The following COL27A1 variants were observed in gnomAD, a reference collection of about 807,000 sequenced individuals.
COL27A1 encodes collagen type XXVII alpha 1 chain.
COL27A1 carries 106 observed loss-of-function variants against 251.3 expected under a neutral mutation model. The observed-to-expected ratio is 0.42, with a 90% CI of 0.36 to 0.50. The LOEUF (loss-of-function observed/expected upper bound fraction) is 0.50. Ranked by LOEUF, COL27A1 falls within the 20% of genes least tolerant of loss-of-function variation. COL27A1 has a pLI of 0.00. For missense variants in COL27A1, 2,325 were observed against 2,522.8 expected, an observed-to-expected ratio of 0.92 and a Z score of 1.68; for synonymous variants, 1,000 against 986.3, an observed-to-expected ratio of 1.01 and a Z score of -0.26.
In COL27A1 at chr9:114,167,830, C is replaced by T. The variant is rs753486760; in HGVS notation, c.275C>T (p.Ala92Val). The stretch of plus-strand genomic sequence containing the variant: ...GCTCCCACGGGCACCGTCATTCCTG[C>T]CGCCTTGGGCACAGAGCTGGCACTG... The part of the protein sequence containing the change: ...LQAPTGTVIP[A>V]ALGTELALVL... Residue 92 changes from alanine (A) to valine (V), a missense_variant, in exon 3 of 61, where the codon GCC becomes GTC. Around this residue, in one of 4 missense-constraint regions of COL27A1, gnomAD observed 1,183 missense variants for 1,144.1 expected, o/e 1.03. Coordinates refer to ENST00000356083, the MANE Select transcript of COL27A1 (RefSeq NM_032888.4). 1 of 1,613,472 alleles carries T rather than the reference C, an allele frequency of 6.2e-7. No individual in the cohort carries two copies. Among genetic ancestry groups the T allele is most frequent in the South Asian group, 1.1e-5 (1 of 91,084 alleles).
chr9:114,205,745 C>A lies in COL27A1; in HGVS notation c.2170-14C>A, dbSNP rs2135302771. The A allele has an allele frequency of 6.2e-7, 1 of 1,613,656 alleles. No individual in the cohort carries two copies. On this transcript the variant is annotated splice_polypyrimidine_tract_variant and intron_variant, in intron 8 of 60. Coordinates refer to ENST00000356083, the MANE Select transcript of COL27A1 (RefSeq NM_032888.4). ...GTCTTTCTTTTCCTTATGTTTCTCT[C>A]TGTTCCTTTGCAGGGGCAGCCAGGA...
chr9:114,217,911 C>G (rs779820583), intron 12 of COL27A1: 1 of 448,348 alleles, frequency 2.2e-6, no homozygotes, highest in East Asian at 7.0e-5. Flanking sequence ...CCCAGGAGTT[C>G]GAGACCAGCT....
intron 27 of COL27A1, among the ~76,000 whole-genome samples, chr9:114,257,379 A>G (rs1478731470): frequency 2.0e-5 from 3 of 150,950 alleles, no homozygotes; most frequent in African/African-American, 7.3e-5. Flanking sequence ...GGCGGGGGAG[A>G]CATTAGGCAG....
At chr9:114,264,331 G>C (rs374497210) in intron 28 of COL27A1, 24 bp from the exon 29 acceptor site, 2 of 1,573,948 alleles carry the variant, frequency 1.3e-6, no homozygotes, top group Non-Finnish European at 1.7e-6. Context: ...TGTCCGGTGT[G>C]CTAGTCCCTT....
chr9:114,240,409 T>G (rs1363556335), intron 20 of COL27A1, 25 bp from the exon 21 acceptor site: 2 of 1,612,680 alleles, frequency 1.2e-6, no homozygotes, highest in Non-Finnish European at 1.7e-6. Context: ...CCTCTGAGAC[T>G]CCCTTTTTGT....
In COL27A1 at chr9:114,205,089, C is replaced by A. The variant is rs1004257922; in HGVS notation, c.2125-13C>A. On this transcript the variant is annotated splice_polypyrimidine_tract_variant and intron_variant, in intron 7 of 60. Coordinates refer to ENST00000356083, the MANE Select transcript of COL27A1 (RefSeq NM_032888.4). ...TCCTCCCTGCCTGATGCAGCTTCTT[C>A]CCCCTCCAACAGGGACACAAGGGCT... 2 of 1,613,274 alleles carry A rather than the reference C, an allele frequency of 1.2e-6. No individual in the cohort carries two copies. The highest frequency in any genetic ancestry group is 2.7e-5 in the African/African-American group (2 of 74,934).
In COL27A1 at chr9:114,306,506, T is replaced by G. The variant is rs1435899761; in HGVS notation, c.4939-14T>G. 6.2e-7 allele frequency: 1 copy of G among 1,613,394 alleles called. No homozygotes were observed. Among genetic ancestry groups the G allele is most frequent in the Admixed American group, 1.7e-5 (1 of 59,950 alleles). On this transcript the variant is annotated splice_polypyrimidine_tract_variant and intron_variant, in intron 57 of 60. Coordinates refer to ENST00000356083, the MANE Select transcript of COL27A1 (RefSeq NM_032888.4). ...GACCCTAAGGTCCCAATGACCACCCTCTCCTCGTGACAGAGTTACAGCTAT... is the reference window on the plus strand; with the variant it reads ...GACCCTAAGGTCCCAATGACCACCCGCTCCTCGTGACAGAGTTACAGCTAT...
intron 13 of COL27A1, 123 bp downstream of exon 13, chr9:114,219,967 C>A: frequency 2.7e-6 from 2 of 747,804 alleles, no homozygotes; most frequent in Non-Finnish European, 4.7e-6. Flanking sequence ...GAAGTACCAG[C>A]TGGGCACCCT....
chr9:114,184,637 A>G (rs140321272), intron 5 of COL27A1, among the ~76,000 whole-genome samples: 1 of 152,228 alleles, frequency 6.6e-6, no homozygotes, highest in Non-Finnish European at 1.5e-5. Context: ...AATAACAGCC[A>G]TATACTGAAC....
At position 114,155,905 on chromosome 9, in the gene COL27A1, C is replaced by T. The variant is rs1330950024; in HGVS notation, c.-46C>T. On this transcript the variant is annotated 5_prime_UTR_variant, in exon 1 of 61. Coordinates refer to ENST00000356083, the MANE Select transcript of COL27A1 (RefSeq NM_032888.4). The surrounding 1 kb of genome is among the most constrained non-coding windows in gnomAD (Gnocchi z 5.5). ...GGGGCTGGCGGCCCCATGGGGCGCG[C>T]CCACACTTGCCCCCCGGGCTCGGGA... The T allele has an allele frequency of 4.2e-6, 5 of 1,192,668 alleles. No homozygotes were observed. In the African/African-American group the frequency reaches 6.4e-5, roughly 15 times the overall value. The allele number at this position is 1,192,668 out of a possible 1,614,324, so 73.9% of individuals were successfully genotyped here.
intron 4 of COL27A1, among the ~76,000 whole-genome samples, chr9:114,182,616 G>T (rs73656009): frequency 6.6e-6 from 1 of 152,144 alleles, no homozygotes; most frequent in African/African-American, 2.4e-5. Context: ...AAGGGCTGAC[G>T]GGGCTAGGCT....
Position 114,300,645 on chromosome 9 carries a change from C to T in COL27A1, c.4659C>T (p.Gly1553=). The T allele has an allele frequency of 1.3e-6, 2 of 1,529,580 alleles. No individual in the cohort carries two copies. Among genetic ancestry groups the T allele is most frequent in the Middle Eastern group, 1.8e-4 (1 of 5,688 alleles). 94.8% of individuals were successfully genotyped at this position (1,529,580 alleles called of 1,614,324 possible). A position where few individuals can be genotyped will look rare whatever the true frequency, so the allele number is the denominator to read the frequency against. Residue 1553 remains glycine (G), a synonymous_variant, in exon 51 of 61, where the codon GGC becomes GGT. Transcript: ENST00000356083. ...FGPKGPPGDI[G]FKGIQGPRGP... Reference sequence around the variant, plus strand: ...CACAGGGCCCGCCTGGAGACATTGGCTTCAAAGGCATCCAGGGCCCTCGGG... The same window carrying T: ...CACAGGGCCCGCCTGGAGACATTGGTTTCAAAGGCATCCAGGGCCCTCGGG...
chr9:114,289,175 G>T, intron 44 of COL27A1, 67 bp from the exon 45 acceptor site: 2 of 1,490,892 alleles, frequency 1.3e-6, no homozygotes, highest in South Asian at 2.4e-5. Flanking sequence ...CCTCCAGGCG[G>T]AGACTGGCCA....
intron 49 of COL27A1, 115 bp downstream of exon 49, chr9:114,292,325 A>C: frequency 1.2e-6 from 1 of 807,474 alleles, no homozygotes; most frequent in Middle Eastern, 3.4e-4. Context: ...ACACTGACCC[A>C]GAAGCCACCT....
At chr9:114,301,489 G>T in intron 54 of COL27A1, 27 bp downstream of exon 54, 2 of 1,602,658 alleles carry the variant, frequency 1.2e-6, no homozygotes, top group Non-Finnish European at 1.7e-6. Context: ...TGAGGGCTGT[G>T]GGGCGGGGCG....
rs1388045909 is a variant in COL27A1, at chr9:114,269,287, G to A, written c.3548G>A (p.Gly1183Glu). The A allele has an allele frequency of 1.2e-6, 2 of 1,608,480 alleles. No individual in the cohort carries two copies. Among genetic ancestry groups the A allele is most frequent in the Non-Finnish European group, 1.7e-6 (2 of 1,176,998 alleles). ...ACTCCTGGGGAGCAGGGCCTCATTG[G>A]GCAACGGGTAAGTTGAAGCAATTTA... ...LGTPGEQGLI[G>E]QRGEPGLEGD... The change falls in exon 35 of 61, where the codon GGG becomes GAG. Residue 1183 changes from glycine (G) to glutamate (E), a missense_variant. Around this residue, in one of 4 missense-constraint regions of COL27A1, gnomAD observed 662 missense variants for 795.3 expected, o/e 0.83. Transcript: ENST00000356083.
In COL27A1 at chr9:114,157,206, C is replaced by G. The variant is rs542067879; in HGVS notation, c.62+1194C>G. 7.2e-5 allele frequency among the ~76,000 whole-genome samples: 11 copies of G among 152,308 alleles called. No individual in the cohort carries two copies. The South Asian group carries it at 2.3e-3, about 32-fold the overall frequency. ...AGTTGGGCAGAAAAGTGGTGCCAGGCGAGCACCCCATGGTGGGGCTCCAGC... is the reference window on the plus strand; with the variant it reads ...AGTTGGGCAGAAAAGTGGTGCCAGGGGAGCACCCCATGGTGGGGCTCCAGC... On this transcript the variant is annotated intron_variant, in intron 1 of 60. Coordinates refer to ENST00000356083, the MANE Select transcript of COL27A1 (RefSeq NM_032888.4).
intron 43 of COL27A1, 22 bp from the exon 44 acceptor site, chr9:114,288,892 C>T (rs746103174): frequency 6.2e-7 from 1 of 1,613,564 alleles, no homozygotes; most frequent in African/African-American, 1.3e-5. Context: ...GCCCCCCTCA[C>T]CTGTCTCTCT....
intron 12 of COL27A1, chr9:114,218,219 G>C: frequency 5.6e-6 from 1 of 179,838 alleles, no homozygotes; most frequent in South Asian, 1.2e-4. Flanking sequence ...AGGTGAGACT[G>C]GAATTTACCA....
Sources: gnomAD v4.1 joint callset for allele counts (sites outside exome capture counted in the v4.1 genomes callset) on GRCh38, gnomAD v4.1.1 for gene constraint, gnomAD v4.1.1 regional missense constraint, Gnocchi (gnomAD v3.1) non-coding constraint, MANE v1.5 for transcripts, NCBI Gene and HGNC (gene_info 2026-07-23, HGNC 2026-07-21) for gene names.